Variants in PCDH11X observed in about 807,000 individuals in gnomAD.
The protein encoded by PCDH11X is protocadherin 11 X-linked, also known as protocadherin-11 X-linked.
PCDH11X carries 18 observed loss-of-function variants against 53.3 expected under a neutral mutation model. The observed-to-expected ratio is 0.34, with a 90% CI of 0.23 to 0.50. The LOEUF (loss-of-function observed/expected upper bound fraction) is 0.50. Among genes scored for constraint, PCDH11X ranks in the 20% least tolerant of loss-of-function variants. The pLI, the probability that PCDH11X is intolerant of heterozygous loss-of-function variation, is 0.98. For synonymous variants in PCDH11X, 279 were observed against 393.3 expected, an observed-to-expected ratio of 0.71 and a Z score of 3.44; for missense variants, 570 against 1,032.4, an observed-to-expected ratio of 0.55 and a Z score of 6.14.
chrX:92,088,868 T>C (rs969128430), intron 6 of PCDH11X, among the ~76,000 whole-genome samples: 1 of 110,860 alleles, frequency 9.0e-6, no homozygotes, highest in Non-Finnish European at 1.9e-5. Flanking sequence ...AAAACATTCA[T>C]ATATTATTTC....
intron 6 of PCDH11X, among the ~76,000 whole-genome samples, chrX:91,964,919 T>A (rs996014223): frequency 6.2e-5 from 7 of 112,287 alleles, no homozygotes; most frequent in Admixed American, 1.9e-4. Flanking sequence ...TAGCGTTTAG[T>A]TTAAATGGTG....
chrX:91,851,072 T>G (rs1937981449), intron 5 of PCDH11X, among the ~76,000 whole-genome samples: 1 of 108,757 alleles, frequency 9.2e-6, no homozygotes, highest in Admixed American at 9.9e-5. Flanking sequence ...TCCTATTGTG[T>G]TTTTTTTCTG....
intron 8 of PCDH11X, among the ~76,000 whole-genome samples, chrX:92,294,298 C>T (rs959786089): frequency 8.2e-5 from 9 of 109,879 alleles, no homozygotes; most frequent in Non-Finnish European, 1.1e-4. Context: ...CCCACCACCA[C>T]GCCCAGCTGA....
chrX:92,113,699 G>A lies in PCDH11X; in HGVS notation c.3034-87676G>A, dbSNP rs186704912. On this transcript the variant is annotated intron_variant, in intron 6 of 10. Coordinates refer to ENST00000682573, the MANE Select transcript of PCDH11X (RefSeq NM_032968.5). The stretch of plus-strand genomic sequence containing the variant: ...AGTGTGTCCAGCTTCCACTCCTCTC[G>A]TTCCACGTTGATGTAGAATTGGCGG... 3.8e-4 allele frequency: 451 copies of A among 1,199,659 alleles called. 31 individuals carry two copies. In the African/African-American group the frequency reaches 7.0e-3, roughly 19 times the overall value.
chrX:91,902,702 C>T (rs1381958593), intron 6 of PCDH11X, among the ~76,000 whole-genome samples: 1 of 109,123 alleles, frequency 9.2e-6, no homozygotes, highest in African/African-American at 3.3e-5. Context: ...AAGCTCTACT[C>T]GCTCTAAATT....
At chrX:92,241,472 A>G (rs2067260931) in intron 7 of PCDH11X, among the ~76,000 whole-genome samples, 1 of 112,220 alleles carries the variant, frequency 8.9e-6, no homozygotes, top group Non-Finnish European at 1.9e-5. Flanking sequence ...TCCAAATAAA[A>G]TAGTTCTCCT....
chrX:91,996,062 C>T (rs1321129965), intron 6 of PCDH11X, among the ~76,000 whole-genome samples: 3 of 105,442 alleles, frequency 2.8e-5, no homozygotes, highest in East Asian at 3.0e-4. Flanking sequence ...AGGATGGTCT[C>T]GATCTCCTGA....
intron 1 of PCDH11X, among the ~76,000 whole-genome samples, chrX:91,802,254 T>A (rs1198147088): frequency 8.9e-6 from 1 of 112,821 alleles, no homozygotes; most frequent in African/African-American, 3.2e-5. Flanking sequence ...CAGCTCATAT[T>A]TGTGTGTCTT....
chrX:92,549,708 A>C (rs1243178945), intron 10 of PCDH11X, among the ~76,000 whole-genome samples: 1 of 109,170 alleles, frequency 9.2e-6, no homozygotes, highest in East Asian at 2.9e-4. Context: ...AGCAAAAAAC[A>C]TCTATGGTTC....
chrX:92,535,835 TTAAG>T (rs1407342650), intron 10 of PCDH11X, among the ~76,000 whole-genome samples: 1 of 111,174 alleles, frequency 9.0e-6, no homozygotes, highest in Non-Finnish European at 1.9e-5. Context: ...AATAATCTTC[TTAAG>T]TCTTTCCTAT....
At chrX:92,016,818 G>T (rs1461027629) in intron 6 of PCDH11X, among the ~76,000 whole-genome samples, 1 of 110,946 alleles carries the variant, frequency 9.0e-6, no homozygotes, top group Non-Finnish European at 1.9e-5. Context: ...CTTTTCCTTT[G>T]CATTAACAAC....
chrX:92,030,020 T>A (rs1449564371), intron 6 of PCDH11X, among the ~76,000 whole-genome samples: 1 of 112,236 alleles, frequency 8.9e-6, no homozygotes, highest in Non-Finnish European at 1.9e-5. Flanking sequence ...TAGAGTGCAG[T>A]GGCACGATCT....
chrX:92,608,470 T>A, intron 10 of PCDH11X, among the ~76,000 whole-genome samples: 1 of 109,530 alleles, frequency 9.1e-6, no homozygotes, highest in East Asian at 2.9e-4. Flanking sequence ...TTAGAAAACC[T>A]TTGTATTATC....
intron 1 of PCDH11X, among the ~76,000 whole-genome samples, chrX:91,799,509 G>T (rs1175783329): frequency 9.0e-6 from 1 of 111,401 alleles, no homozygotes; most frequent in Non-Finnish European, 1.9e-5. Flanking sequence ...TAGATTTCTG[G>T]CCTTTCACTT....
rs191315637 is a variant in PCDH11X, at chrX:92,200,027, A to T, written c.3034-1348A>T. ...CAACCCAAATAAACTTGGTTTTTTA[A>T]AAAAAAAAGTTAAATGTACCTTTTG... On this transcript the variant is annotated intron_variant, in intron 6 of 10. Coordinates refer to ENST00000682573, the MANE Select transcript of PCDH11X (RefSeq NM_032968.5). 2.8e-3 allele frequency among the ~76,000 whole-genome samples: 308 copies of T among 110,740 alleles called. 6 individuals are homozygous for T. The highest frequency in any genetic ancestry group is 0.023 in the East Asian group (81 of 3,505).
At chrX:92,198,410 C>CAAAAAAA (rs148083122) in intron 6 of PCDH11X, among the ~76,000 whole-genome samples, 3 of 31,616 alleles carry the variant, frequency 9.5e-5, no homozygotes, top group East Asian at 2.2e-3. Context: ...GATCCTGTCT[C>CAAAAAAA]AAAAAAAAAA....
chrX:92,268,074 A>AT (rs2067871846), intron 8 of PCDH11X, among the ~76,000 whole-genome samples: 1 of 112,030 alleles, frequency 8.9e-6, no homozygotes, highest in Non-Finnish European at 1.9e-5. Flanking sequence ...TAACACTGAG[A>AT]TTTTTTCAGT....
intron 6 of PCDH11X, among the ~76,000 whole-genome samples, chrX:91,922,752 C>T (rs1277122817): frequency 8.9e-6 from 1 of 112,056 alleles, no homozygotes; most frequent in East Asian, 2.8e-4. Flanking sequence ...AATAGTCTTC[C>T]ACAAAACCAG....
chrX:92,160,641 C>CTTT (rs529782445), intron 6 of PCDH11X, among the ~76,000 whole-genome samples: 3 of 87,864 alleles, frequency 3.4e-5, no homozygotes, highest in Non-Finnish European at 6.7e-5. Flanking sequence ...ATTTTTTTTT[C>CTTT]TTTTTTTTTT....
Sources: allele counts gnomAD v4.1 joint callset (sites outside exome capture counted in the v4.1 genomes callset), GRCh38; gene constraint gnomAD v4.1.1; transcripts MANE v1.5; gene names NCBI Gene and HGNC (gene_info 2026-07-23, HGNC 2026-07-21).